The following GRIP1 variants were observed in gnomAD, a reference collection of about 807,000 sequenced individuals.
GRIP1 encodes glutamate receptor-interacting protein 1.
Under a neutral mutation model 129.9 loss-of-function variants are expected in GRIP1, and 45 were observed. The ratio of observed to expected loss-of-function variants is 0.35; its 90% CI spans 0.27 to 0.44. The LOEUF is 0.44. Ranked by LOEUF, GRIP1 falls within the 20% of genes least tolerant of loss-of-function variation. The pLI, the probability that GRIP1 is intolerant of heterozygous loss-of-function variation, is 1.00. For synonymous variants in GRIP1, 530 were observed against 520.8 expected (o/e 1.02, Z -0.24); for missense variants, 1,196 against 1,396.8 (o/e 0.86, Z 2.29).
chr12:66,541,200 A>T (rs2061770251), intron 3 of GRIP1, among the ~76,000 whole-genome samples: 1 of 152,142 alleles, frequency 6.6e-6, no homozygotes, highest in Admixed American at 6.5e-5. Context: ...ACCCCTGCCC[A>T]GTATCCAGGA....
chr12:66,686,279 T>C (rs2034781857), intron 1 of GRIP1, among the ~76,000 whole-genome samples: 1 of 152,168 alleles, frequency 6.6e-6, no homozygotes, highest in African/African-American at 2.4e-5. Flanking sequence ...GCCCAGCTAG[T>C]TGTTCACTGA....
intron 1 of GRIP1, among the ~76,000 whole-genome samples, chr12:66,644,390 CA>C (rs1485208298): frequency 6.6e-6 from 1 of 152,142 alleles, no homozygotes; most frequent in Non-Finnish European, 1.5e-5. Context: ...ACAGAAAGAG[CA>C]ATTGCCTGTA....
intron 1 of GRIP1, among the ~76,000 whole-genome samples, chr12:66,721,163 T>C (rs1263239424): frequency 6.6e-6 from 1 of 152,204 alleles, no homozygotes; most frequent in African/African-American, 2.4e-5. Flanking sequence ...CGGTACATTG[T>C]CAATGAACAG....
intron 19 of GRIP1, among the ~76,000 whole-genome samples, chr12:66,389,750 C>A (rs2056506311): frequency 6.6e-6 from 1 of 152,192 alleles, no homozygotes; most frequent in Non-Finnish European, 1.5e-5. Context: ...CAGTGACCAG[C>A]TTGCTTTGCT....
intron 1 of GRIP1, among the ~76,000 whole-genome samples, chr12:66,736,906 G>A (rs1437040396): frequency 1.4e-5 from 2 of 147,600 alleles, no homozygotes; most frequent in African/African-American, 2.5e-5. Flanking sequence ...TTGATATACA[G>A]TTTGCAAGTC....
intron 2 of GRIP1, among the ~76,000 whole-genome samples, chr12:66,558,788 T>C (rs1337284186): frequency 1.6e-5 from 2 of 128,226 alleles, no homozygotes; most frequent in African/African-American, 3.0e-5. Flanking sequence ...GCTCAAACTA[T>C]TCCAAAAAAT....
chr12:66,934,391 A>T (rs2041450428), intron 1 of GRIP1, among the ~76,000 whole-genome samples: 1 of 152,188 alleles, frequency 6.6e-6, no homozygotes, highest in Non-Finnish European at 1.5e-5. Context: ...GGTTCGTTTA[A>T]GTTCTCTTCT....
intron 1 of GRIP1, among the ~76,000 whole-genome samples, chr12:66,765,118 T>C (rs1446485996): frequency 6.8e-6 from 1 of 147,020 alleles, no homozygotes; most frequent in Non-Finnish European, 1.5e-5. Context: ...TCACTAAATA[T>C]GTACCCTTCA....
chr12:66,873,634 C>A (rs1437070349), intron 1 of GRIP1, among the ~76,000 whole-genome samples: 2 of 151,974 alleles, frequency 1.3e-5, no homozygotes, highest in African/African-American at 4.8e-5. Flanking sequence ...ATACTAAAAT[C>A]TTTTAGTTAC....
rs1290285914 is a variant in GRIP1 at position 66,541,846 on chromosome 12, A to C, written c.241T>G (p.Ser81Ala). ...GCAATTCCTCCTTGCCGCAGATTAGATACTCTTGGCTTGCCATCCTTATCA... is the reference window on the plus strand; with the variant it reads ...GCAATTCCTCCTTGCCGCAGATTAGCTACTCTTGGCTTGCCATCCTTATCA... Reference protein sequence around the residue: ...GIDKDGKPRVSNLRQGGIAAR... With the variant: ...GIDKDGKPRVANLRQGGIAAR... Residue 81 changes from serine to alanine, a missense_variant, in exon 3 of 25, where the codon TCT becomes GCT. Physicochemically the swap from Ser to Ala is moderately conservative, Grantham distance 99. This residue lies in a region of GRIP1 where 217 missense variants were observed against 224.8 expected (regional missense o/e 0.97). Transcript: ENST00000359742. 6.2e-7 allele frequency: 1 copy of C among 1,613,894 alleles called. No individual in the cohort carries two copies. Among genetic ancestry groups the C allele is most frequent in the African/African-American group, 1.3e-5 (1 of 74,890 alleles).
upstream of GRIP1, among the ~76,000 whole-genome samples, chr12:66,681,755 G>A (rs900457325): frequency 1.3e-5 from 2 of 152,114 alleles, no homozygotes; most frequent in Middle Eastern, 3.2e-3. Flanking sequence ...TAGTTCAAGA[G>A]GTTTACCCCT....
At chr12:66,959,692 T>C (rs1258734472) in intron 1 of GRIP1, among the ~76,000 whole-genome samples, 2 of 152,166 alleles carry the variant, frequency 1.3e-5, no homozygotes, top group East Asian at 3.8e-4. Context: ...GCTTCAAATA[T>C]ATATGTATCT....
intron 1 of GRIP1, among the ~76,000 whole-genome samples, chr12:66,658,043 A>T (rs2033269197): frequency 6.6e-6 from 1 of 152,230 alleles, no homozygotes; most frequent in South Asian, 2.1e-4. Context: ...TTAAGGGGGA[A>T]TTCTCTACAT....
intron 15 of GRIP1, among the ~76,000 whole-genome samples, chr12:66,419,681 T>C (rs185466744): frequency 7.9e-5 from 12 of 152,384 alleles, no homozygotes; most frequent in African/African-American, 2.2e-4. Context: ...CCAACTGTTA[T>C]GAGAGAGAAA....
At chr12:66,649,283 C>T (rs904001653) in intron 1 of GRIP1, among the ~76,000 whole-genome samples, 1 of 152,154 alleles carries the variant, frequency 6.6e-6, no homozygotes, top group Admixed American at 6.5e-5. Context: ...AACCCACTTC[C>T]TGAAGAATAG....
Position 66,392,477 on chromosome 12 carries a change from C to A in GRIP1, c.2295G>T (p.Lys765Asn), listed in dbSNP as rs2056629137. 4 of 1,614,118 alleles carry A rather than the reference C, an allele frequency of 2.5e-6. No homozygotes were observed. Among genetic ancestry groups the A allele is most frequent in the Non-Finnish European group, 2.5e-6 (3 of 1,179,974 alleles). Residue 765 changes from lysine to asparagine, a missense_variant, in exon 19 of 25, where the codon AAG (lysine) becomes AAT (asparagine). By Grantham distance (94) the Lys-to-Asn change is moderately conservative (BLOSUM62 0). Transcript: ENST00000359742. ...CACTCAAATGGCTAGAAATAGGGAA[C>A]TTCTTGGGGCTCGATGCTGACTGGG... ...TDAQSASSPK[K>N]FPISSHLSDL...
chr12:66,467,144 T>C (rs2059308629), intron 7 of GRIP1, among the ~76,000 whole-genome samples: 2 of 152,242 alleles, frequency 1.3e-5, no homozygotes, highest in Middle Eastern at 3.2e-3. Flanking sequence ...TCAGGGCCTA[T>C]ATCTCTTCCT....
At chr12:67,054,172 AC>A (rs1175338604) in intron 1 of GRIP1, among the ~76,000 whole-genome samples, 38 of 152,234 alleles carry the variant, frequency 2.5e-4, no homozygotes, top group African/African-American at 9.2e-4. Flanking sequence ...TCAAATGTAA[AC>A]CCTAAAAGCA....
intron 1 of GRIP1, among the ~76,000 whole-genome samples, chr12:66,814,809 G>A (rs537180113): frequency 6.9e-6 from 1 of 144,122 alleles, no homozygotes; most frequent in South Asian, 2.3e-4. Flanking sequence ...GAGGCCTCAG[G>A]AAACTTTCAA....
Sources: gnomAD v4.1 joint callset for allele counts (sites outside exome capture counted in the v4.1 genomes callset) on GRCh38, gnomAD v4.1.1 for gene constraint, gnomAD v4.1.1 regional missense constraint, MANE v1.5 for transcripts, NCBI Gene and HGNC (gene_info 2026-07-23, HGNC 2026-07-21) for gene names.